The following PDE6A variants were observed in gnomAD, a reference collection of about 807,000 sequenced individuals.
The protein encoded by PDE6A is phosphodiesterase 6A, also known as rod cGMP-specific 3',5'-cyclic phosphodiesterase subunit alpha.
Under a neutral mutation model 106.3 loss-of-function variants are expected in PDE6A, and 84 were observed. The observed-to-expected ratio is 0.79, with a 90% CI of 0.66 to 0.95. PDE6A has a LOEUF of 0.95. Ranked by LOEUF, PDE6A falls within the 40% of genes least tolerant of loss-of-function variation. The pLI is 0.00. For missense variants in PDE6A, 1,052 were observed against 1,084.9 expected, an observed-to-expected ratio of 0.97 and a Z score of 0.43; for synonymous variants, 394 against 386.6, an observed-to-expected ratio of 1.02 and a Z score of -0.23.
At chr5:149,873,332 CTTTT>C (rs527562371) in intron 17 of PDE6A, among the ~76,000 whole-genome samples, 1 of 137,272 alleles carries the variant, frequency 7.3e-6, no homozygotes, top group Admixed American at 7.3e-5. Context: ...ATGAGATACT[CTTTT>C]TTTTTTTTTT....
intron 1 of PDE6A, among the ~76,000 whole-genome samples, chr5:149,940,574 T>G (rs10476924): frequency 0.04 from 5,952 of 150,156 alleles, 364 homozygotes; most frequent in African/African-American, 0.13. Flanking sequence ...CTCGGCTCAC[T>G]GCAACCTCCA....
intron 13 of PDE6A, among the ~76,000 whole-genome samples, chr5:149,890,095 A>C (rs1239894171): frequency 6.6e-6 from 1 of 151,364 alleles, no homozygotes; most frequent in Admixed American, 6.6e-5. Flanking sequence ...AGCCGGGATT[A>C]CAGACACACC....
chr5:149,877,027 G>T (rs867712727), intron 17 of PDE6A, among the ~76,000 whole-genome samples: 1 of 152,090 alleles, frequency 6.6e-6, no homozygotes, highest in African/African-American at 2.4e-5. Context: ...AAATTGTAAA[G>T]ACAGATGATA....
chr5:149,866,333 C>A (rs1760330884), intron 19 of PDE6A, 80 bp from the exon 20 acceptor site: 5 of 1,015,348 alleles, frequency 4.9e-6, no homozygotes, highest in South Asian at 3.9e-5. Context: ...TTACTAAAAT[C>A]AAACTGTAAA....
chr5:149,882,264 G>A (rs532745627), intron 17 of PDE6A, among the ~76,000 whole-genome samples: 17 of 151,850 alleles, frequency 1.1e-4, no homozygotes, highest in African/African-American at 2.9e-4. Context: ...TGCCCCCCCC[G>A]TTTCCGGAGC....
intron 21 of PDE6A, among the ~76,000 whole-genome samples, chr5:149,862,397 C>G (rs1002133016): frequency 2.0e-5 from 3 of 152,174 alleles, no homozygotes; most frequent in Non-Finnish European, 4.4e-5. Context: ...TGGTGGTATA[C>G]AAGCATAAGC....
intron 5 of PDE6A, among the ~76,000 whole-genome samples, chr5:149,919,660 T>C (rs1199030015): frequency 6.6e-6 from 1 of 152,168 alleles, no homozygotes; most frequent in Non-Finnish European, 1.5e-5. Flanking sequence ...GCCATATTCA[T>C]GTACAAATTC....
At chr5:149,893,991 A>G (rs113396226) in intron 13 of PDE6A, among the ~76,000 whole-genome samples, 473 of 152,290 alleles carry the variant, frequency 3.1e-3, no homozygotes, top group African/African-American at 1.0e-2. Context: ...AAAGTTTCCA[A>G]TGGGGCTCCT....
chr5:149,922,966 C>A (rs1245492742), intron 4 of PDE6A, among the ~76,000 whole-genome samples: 2 of 152,232 alleles, frequency 1.3e-5, no homozygotes, highest in Non-Finnish European at 2.9e-5. Flanking sequence ...ATTACTGTAA[C>A]AAATGGTCGA....
intron 4 of PDE6A, among the ~76,000 whole-genome samples, chr5:149,924,060 GA>G (rs1285836900): frequency 3.9e-5 from 6 of 152,216 alleles, no homozygotes; most frequent in African/African-American, 1.4e-4. Flanking sequence ...TGAACATTTA[GA>G]AAACAATTTT....
At chr5:149,942,383 T>G (rs965187661) in intron 1 of PDE6A, among the ~76,000 whole-genome samples, 1 of 152,186 alleles carries the variant, frequency 6.6e-6, no homozygotes, top group Non-Finnish European at 1.5e-5. Context: ...GTTCCCTTTC[T>G]GACCTGGGCT....
At chr5:149,940,807 G>A (rs1754308695) in intron 1 of PDE6A, among the ~76,000 whole-genome samples, 1 of 152,138 alleles carries the variant, frequency 6.6e-6, no homozygotes, top group Admixed American at 6.6e-5. Context: ...CTACCTGTTT[G>A]AATTCTTGCA....
chr5:149,860,769 A>G lies in PDE6A; in HGVS notation c.*126T>C, dbSNP rs886060216. ...AAAAGATTGAACAGTCCTGGAAGCTAAATTCTCTAACAGCTTTCAAATCCT... is the reference window on the plus strand; with the variant it reads ...AAAAGATTGAACAGTCCTGGAAGCTGAATTCTCTAACAGCTTTCAAATCCT... On this transcript the variant is annotated 3_prime_UTR_variant, in exon 22 of 22. Transcript: ENST00000255266. 1 of 780,410 alleles carries G rather than the reference A, an allele frequency of 1.3e-6. No individual in the cohort carries two copies. The highest frequency in any genetic ancestry group is 2.1e-6 in the Non-Finnish European group (1 of 469,756). The allele number at this position is 780,410 out of a possible 1,614,324, so 48.3% of individuals were successfully genotyped here.
At position 149,880,470 on chromosome 5, in the gene PDE6A, A is replaced by G. The variant is rs540385941; in HGVS notation, c.2135+2959T>C. On this transcript the variant is annotated intron_variant, in intron 17 of 21. Transcript: ENST00000255266. ...TCACACCTGTAATCCCAGCACTTTT[A>G]GGAGGCCGAGGTGGGCGGATCACGA... Among the ~76,000 whole-genome samples, 7 of 152,186 alleles carry G rather than the reference A, an allele frequency of 4.6e-5. No individual in the cohort carries two copies. The East Asian group carries it at 1.4e-3, about 29-fold the overall frequency.
intron 4 of PDE6A, among the ~76,000 whole-genome samples, chr5:149,928,686 C>G (rs770332218): frequency 2.6e-5 from 4 of 151,958 alleles, no homozygotes; most frequent in Non-Finnish European, 5.9e-5. Flanking sequence ...ATGGTATAGG[C>G]GGGCCATCAT....
chr5:149,883,632 A>G, intron 16 of PDE6A, 96 bp from the exon 17 acceptor site: 1 of 854,650 alleles, frequency 1.2e-6, no homozygotes, highest in East Asian at 2.6e-5. Context: ...GCCTTATTAA[A>G]TCAACAAAAT....
At chr5:149,873,446 C>T (rs546436357) in intron 17 of PDE6A, among the ~76,000 whole-genome samples, 1 of 151,994 alleles carries the variant, frequency 6.6e-6, no homozygotes, top group African/African-American at 2.4e-5. Context: ...ATTCTCCTGC[C>T]TCAGCCTCCT....
At position 149,903,684 on chromosome 5, in the gene PDE6A, G is replaced by C. The variant is rs1460954976; in HGVS notation, c.1077C>G (p.Ile359Met). 4 of 1,613,772 alleles carry C rather than the reference G, an allele frequency of 2.5e-6. No homozygotes were observed. Among genetic ancestry groups the C allele is most frequent in the Non-Finnish European group, 3.4e-6 (4 of 1,179,670 alleles). The change falls in exon 8 of 22, where the codon ATC becomes ATG. Residue 359 changes from isoleucine to methionine, a missense_variant. By Grantham distance (10) the Ile-to-Met change is conservative. Around this residue, in one of 3 missense-constraint regions of PDE6A, gnomAD observed 913 missense variants for 915.2 expected, o/e 1.00. Transcript: ENST00000255266. Reference sequence around the variant, plus strand: ...AAAAGTCCTCCGCAGGCGCATTCATGATGTTGCAAATCTGAGAGCAGTGAA... The same window carrying C: ...AAAAGTCCTCCGCAGGCGCATTCATCATGTTGCAAATCTGAGAGCAGTGAA... Reference protein sequence around the residue: ...YVAQNGLICNIMNAPAEDFFA... With the variant: ...YVAQNGLICNMMNAPAEDFFA...
intron 17 of PDE6A, among the ~76,000 whole-genome samples, chr5:149,875,958 G>A (rs1030870272): frequency 3.9e-5 from 6 of 151,984 alleles, no homozygotes; most frequent in East Asian, 1.9e-4. Flanking sequence ...GTGTATATAC[G>A]TGTACATGTA....
Sources: allele counts gnomAD v4.1 joint callset (sites outside exome capture counted in the v4.1 genomes callset), GRCh38; gene constraint gnomAD v4.1.1; regional missense constraint gnomAD v4.1.1; transcripts MANE v1.5; gene names NCBI Gene and HGNC (gene_info 2026-07-23, HGNC 2026-07-21).